The following NAV2 variants were observed in gnomAD, a reference collection of about 807,000 sequenced individuals.
NAV2 encodes helicase, APC down-regulated 1.
In NAV2, 54 loss-of-function variants were observed where a neutral mutation model predicts 223.2. That is an observed-to-expected ratio of 0.24 (90% CI 0.19 to 0.30). The LOEUF (loss-of-function observed/expected upper bound fraction) is 0.30. NAV2 is among the 10% of genes least tolerant of loss of function. The probability of loss-of-function intolerance (pLI) is 1.00; values close to 1 mark genes in which losing one functional copy is unlikely to be tolerated. For synonymous variants in NAV2, 1,279 were observed against 1,239.3 expected (o/e 1.03, Z -0.67); for missense variants, 2,806 against 3,147.5 (o/e 0.89, Z 2.60).
chr11:19,858,622 A>G lies in NAV2; in HGVS notation c.439-10303A>G, dbSNP rs143821891. Among the ~76,000 whole-genome samples, 220 of 152,308 alleles carry G rather than the reference A, an allele frequency of 1.4e-3. 2 individuals are homozygous for G. The highest frequency in any genetic ancestry group is 0.011 in the East Asian group (55 of 5,188). On this transcript the variant is annotated intron_variant, in intron 3 of 37. Coordinates refer to ENST00000349880, the MANE Select transcript of NAV2 (RefSeq NM_145117.5). ...ATTTTTAATATTTTGAGGAACTTCC[A>G]TACTGTTTTTCATAATGGACTCTTG...
At chr11:19,592,562 T>C (rs2046090880) in intron 1 of NAV2, among the ~76,000 whole-genome samples, 1 of 152,162 alleles carries the variant, frequency 6.6e-6, no homozygotes, top group South Asian at 2.1e-4. Context: ...CATAGTTGAA[T>C]GTTTGGGGGA....
chr11:19,820,256 C>T (rs2059303791), intron 1 of NAV2, among the ~76,000 whole-genome samples: 1 of 152,218 alleles, frequency 6.6e-6, no homozygotes, highest in Non-Finnish European at 1.5e-5. Flanking sequence ...GCAGCTGCTC[C>T]CAAGCCTTTC....
intron 1 of NAV2, among the ~76,000 whole-genome samples, chr11:19,565,448 T>C (rs2045238355): frequency 6.6e-6 from 1 of 152,240 alleles, no homozygotes; most frequent in South Asian, 2.1e-4. Flanking sequence ...TTGATCACAT[T>C]CTGAATTTGA....
chr11:19,407,878 T>C (rs1022541040), intron 1 of NAV2, among the ~76,000 whole-genome samples: 3 of 152,192 alleles, frequency 2.0e-5, no homozygotes, highest in African/African-American at 4.8e-5. Context: ...TGTTCAAATA[T>C]GTGTCTGCGA....
chr11:20,022,637 T>G, intron 11 of NAV2: 1 of 989,284 alleles, frequency 1.0e-6, no homozygotes, highest in Non-Finnish European at 1.2e-6. Flanking sequence ...TTTGCATCAT[T>G]AAAAGTAGCA....
chr11:20,022,972 T>C, intron 11 of NAV2: 1 of 1,392,394 alleles, frequency 7.2e-7, no homozygotes, highest in Non-Finnish European at 9.8e-7. Context: ...GCTAGTCCTT[T>C]AGTTACAGAG....
At chr11:20,090,229 G>T (rs1250082897) in intron 26 of NAV2, among the ~76,000 whole-genome samples, 1 of 152,174 alleles carries the variant, frequency 6.6e-6, no homozygotes, top group East Asian at 1.9e-4. Context: ...CTTTAAAACT[G>T]TAAGCTGACC....
chr11:19,884,439 A>T, intron 5 of NAV2: 1 of 1,333,582 alleles, frequency 7.5e-7, no homozygotes, highest in Middle Eastern at 1.8e-4. Context: ...GTTCTGGCTG[A>T]GTTTGCCTTT....
chr11:19,358,283 C>T (rs1214482003), intron 1 of NAV2, among the ~76,000 whole-genome samples: 1 of 152,146 alleles, frequency 6.6e-6, no homozygotes, highest in Non-Finnish European at 1.5e-5. Context: ...TGCAGCCTTG[C>T]ATCTGCATTC....
intron 1 of NAV2, among the ~76,000 whole-genome samples, chr11:19,406,830 T>C (rs1230766672): frequency 3.3e-5 from 5 of 152,162 alleles, no homozygotes; most frequent in Non-Finnish European, 5.9e-5. Context: ...GGAAATTCCT[T>C]AATATCACCT....
chr11:19,668,872 T>C lies in NAV2; in HGVS notation c.76-163612T>C, dbSNP rs114316765. 5.9e-3 allele frequency among the ~76,000 whole-genome samples: 892 copies of C among 152,260 alleles called. 13 individuals carry two copies. The highest frequency in any genetic ancestry group is 0.02 in the African/African-American group (851 of 41,548). On this transcript the variant is annotated intron_variant, in intron 1 of 37. Coordinates refer to the NAV2 transcript ENST00000360655. ...GCCTGCTGTCTAGGCAGAATGCAGG[T>C]AACAGACAATAATCTCCTATTTCAT...
intron 3 of NAV2, among the ~76,000 whole-genome samples, chr11:19,859,537 C>T (rs939934811): frequency 2.6e-5 from 4 of 151,314 alleles, no homozygotes; most frequent in African/African-American, 9.7e-5. Flanking sequence ...CCCATGTCTA[C>T]CTCTTTCTAC....
chr11:20,035,575 T>A (rs765512846), intron 11 of NAV2, among the ~76,000 whole-genome samples: 6 of 151,884 alleles, frequency 4.0e-5, no homozygotes, highest in African/African-American at 7.3e-5. Flanking sequence ...TGCTGCGGAG[T>A]CCTTCCCTGC....
chr11:19,945,107 C>CT (rs1162208530), intron 8 of NAV2, among the ~76,000 whole-genome samples: 2 of 104,562 alleles, frequency 1.9e-5, no homozygotes, highest in African/African-American at 3.2e-5. Flanking sequence ...TCTCTTCTTT[C>CT]TTTTTTTCTC....
chr11:19,827,835 G>T (rs2059718123), intron 1 of NAV2, among the ~76,000 whole-genome samples: 1 of 150,252 alleles, frequency 6.7e-6, no homozygotes, highest in Non-Finnish European at 1.5e-5. Context: ...TCCTGGTGTG[G>T]TGCACCGGCC....
chr11:19,655,203 T>C (rs1361223990), intron 1 of NAV2, among the ~76,000 whole-genome samples: 1 of 152,172 alleles, frequency 6.6e-6, no homozygotes, highest in South Asian at 2.1e-4. Flanking sequence ...TACCATCTCA[T>C]ACCAGTTAGA....
At chr11:20,026,468 AC>A (rs776732153) in intron 11 of NAV2, among the ~76,000 whole-genome samples, 148 of 151,782 alleles carry the variant, frequency 9.8e-4, no homozygotes, top group Middle Eastern at 3.4e-3. Context: ...CTGCCACCAT[AC>A]CTGGCTAATT....
At chr11:19,467,012 C>G (rs975838676) in intron 1 of NAV2, among the ~76,000 whole-genome samples, 113 of 134,462 alleles carry the variant, frequency 8.4e-4, no homozygotes, top group Middle Eastern at 3.7e-3. Context: ...CACACACACA[C>G]ACACACAGAG....
chr11:19,402,285 G>A (rs2702672), intron 1 of NAV2, among the ~76,000 whole-genome samples: 2 of 152,096 alleles, frequency 1.3e-5, no homozygotes, highest in Middle Eastern at 3.2e-3. Flanking sequence ...AGTTACTTAT[G>A]TTTCTGTGCC....
Sources: allele counts gnomAD v4.1 joint callset (sites outside exome capture counted in the v4.1 genomes callset), GRCh38; gene constraint gnomAD v4.1.1; transcripts MANE v1.5; gene names NCBI Gene and HGNC (gene_info 2026-07-23, HGNC 2026-07-21).